Variants in TRPM3 observed in about 807,000 individuals in gnomAD.
TRPM3 encodes the protein transient receptor potential cation channel subfamily M member 3, also known as long transient receptor potential channel 3.
TRPM3 carries 77 observed loss-of-function variants against 181.2 expected under a neutral mutation model. The observed-to-expected ratio is 0.42, with a 90% CI of 0.35 to 0.51. The LOEUF (loss-of-function observed/expected upper bound fraction) is 0.51, where lower values mean the gene tolerates loss of function less well. Ranked by LOEUF, TRPM3 falls within the 20% of genes least tolerant of loss-of-function variation. The pLI is 0.01. For missense variants in TRPM3, 1,759 were observed against 2,196.7 expected, an observed-to-expected ratio of 0.80 and a Z score of 3.98; for synonymous variants, 745 against 796.4, an observed-to-expected ratio of 0.94 and a Z score of 1.09.
intron 1 of TRPM3, among the ~76,000 whole-genome samples, chr9:71,026,795 T>C (rs1222721946): frequency 6.6e-6 from 1 of 152,100 alleles, no homozygotes; most frequent in Non-Finnish European, 1.5e-5. Flanking sequence ...GAGCACACAA[T>C]CCTGTGCCCA....
At chr9:71,140,073 G>A (rs1308058483) in intron 1 of TRPM3, among the ~76,000 whole-genome samples, 2 of 152,178 alleles carry the variant, frequency 1.3e-5, no homozygotes, top group Non-Finnish European at 2.9e-5. Context: ...CCATGAGGGA[G>A]AGGCCTAGAG....
At chr9:70,848,879 A>G (rs1346627726) in intron 3 of TRPM3, among the ~76,000 whole-genome samples, 1 of 78,180 alleles carries the variant, frequency 1.3e-5, no homozygotes, top group East Asian at 2.9e-4. Context: ...CGGGAGGCTG[A>G]GGCAGGAGAA....
At chr9:70,996,047 CTG>C (rs2097538727) in intron 1 of TRPM3, among the ~76,000 whole-genome samples, 1 of 152,200 alleles carries the variant, frequency 6.6e-6, no homozygotes, top group African/African-American at 2.4e-5. Flanking sequence ...AGGGCAATTA[CTG>C]TGTCTTACTC....
At chr9:71,227,848 T>A (rs926817449) in intron 1 of TRPM3, among the ~76,000 whole-genome samples, 2 of 152,122 alleles carry the variant, frequency 1.3e-5, no homozygotes, top group Non-Finnish European at 2.9e-5. Context: ...TAATAAAAAA[T>A]TTCCCAACAA....
chr9:70,840,332 A>G (rs1213106626), intron 5 of TRPM3, among the ~76,000 whole-genome samples: 1 of 152,150 alleles, frequency 6.6e-6, no homozygotes, highest in Non-Finnish European at 1.5e-5. Context: ...TGGAAAAAGT[A>G]AAATACAACT....
At chr9:71,186,972 TATA>T (rs1401208859) in intron 1 of TRPM3, among the ~76,000 whole-genome samples, 2 of 152,064 alleles carry the variant, frequency 1.3e-5, no homozygotes, top group African/African-American at 4.8e-5. Flanking sequence ...CGTGATAGTG[TATA>T]ATACTTTATC....
chr9:70,650,749 T>C (rs2059499696), intron 9 of TRPM3, among the ~76,000 whole-genome samples: 2 of 152,168 alleles, frequency 1.3e-5, no homozygotes, highest in Admixed American at 1.3e-4. Flanking sequence ...ACTGGGTTTT[T>C]CACAATGTAT....
At chr9:71,131,165 T>G (rs1414897605) in intron 1 of TRPM3, among the ~76,000 whole-genome samples, 2 of 152,202 alleles carry the variant, frequency 1.3e-5, no homozygotes, top group African/African-American at 4.8e-5. Flanking sequence ...CCTAACCACT[T>G]TTATTTCTTC....
intron 1 of TRPM3, among the ~76,000 whole-genome samples, chr9:71,227,837 A>G (rs778523829): frequency 2.0e-5 from 3 of 152,208 alleles, no homozygotes; most frequent in Admixed American, 2.0e-4. Flanking sequence ...GACCAAGGCC[A>G]TAATAAAAAA....
chr9:71,143,005 A>T (rs908261763), intron 1 of TRPM3, among the ~76,000 whole-genome samples: 26 of 151,376 alleles, frequency 1.7e-4, no homozygotes, highest in Non-Finnish European at 3.7e-4. Context: ...AAAGAAAAAA[A>T]CAGGCCTGGT....
chr9:71,403,929 A>G (rs1442453138), intron 1 of TRPM3, among the ~76,000 whole-genome samples: 1 of 152,176 alleles, frequency 6.6e-6, no homozygotes. Context: ...CTTTCTAATG[A>G]TCAATTAAGA....
chr9:71,432,287 C>T (rs984060429), intron 1 of TRPM3, among the ~76,000 whole-genome samples: 3 of 148,968 alleles, frequency 2.0e-5, no homozygotes, highest in African/African-American at 7.4e-5. Flanking sequence ...TTCTGTCCCC[C>T]AACTGTATTC....
At position 70,833,414 on chromosome 9, in the gene TRPM3, T is replaced by C. The variant is rs146223326; in HGVS notation, c.802-5396A>G. Among the ~76,000 whole-genome samples the C allele has an allele frequency of 9.0e-3, 1,374 of 152,308 alleles. 12 individuals are homozygous for C. The highest frequency in any genetic ancestry group is 0.014 in the Non-Finnish European group (970 of 68,012). ...AGTGGATGTGTGGCCCAAACAATCA[T>C]TCTTTCCTAATAGCACCATCATTTT... On this transcript the variant is annotated intron_variant, in intron 5 of 25. Transcript: ENST00000677713.
chr9:71,298,506 T>G (rs878973557), intron 1 of TRPM3, among the ~76,000 whole-genome samples: 2 of 152,046 alleles, frequency 1.3e-5, no homozygotes, highest in Admixed American at 1.3e-4. Flanking sequence ...ATATAAAAAT[T>G]TATGGTTTTA....
chr9:70,691,500 T>C (rs1226219691), intron 8 of TRPM3, among the ~76,000 whole-genome samples: 1 of 152,198 alleles, frequency 6.6e-6, no homozygotes, highest in East Asian at 1.9e-4. Context: ...CTCAACTCCA[T>C]ACTCTCCCAA....
At chr9:70,805,749 C>T (rs1184386965) in intron 6 of TRPM3, among the ~76,000 whole-genome samples, 1 of 152,100 alleles carries the variant, frequency 6.6e-6, no homozygotes, top group Non-Finnish European at 1.5e-5. Context: ...TCCTGCTTTA[C>T]ATGTGCAAAA....
intron 1 of TRPM3, among the ~76,000 whole-genome samples, chr9:71,420,677 A>AAG (rs2093719055): frequency 8.7e-6 from 1 of 115,372 alleles, no homozygotes; most frequent in Non-Finnish European, 1.9e-5. Context: ...GAAAGAGAGA[A>AAG]AGAAAGAGAA....
intron 1 of TRPM3, among the ~76,000 whole-genome samples, chr9:70,933,719 C>T (rs879306032): frequency 2.2e-4 from 33 of 149,742 alleles, no homozygotes; most frequent in East Asian, 3.9e-4. Flanking sequence ...TTTTTTAATG[C>T]GTTTGTTTAA....
intron 19 of TRPM3, among the ~76,000 whole-genome samples, chr9:70,607,777 T>C (rs1446128385): frequency 1.3e-5 from 2 of 152,200 alleles, no homozygotes; most frequent in African/African-American, 4.8e-5. Context: ...TTATTTCTAC[T>C]GATTTCTGCT....
Sources: allele counts gnomAD v4.1 joint callset (sites outside exome capture counted in the v4.1 genomes callset), GRCh38; gene constraint gnomAD v4.1.1; transcripts MANE v1.5; gene names NCBI Gene and HGNC (gene_info 2026-07-23, HGNC 2026-07-21).